CTNNA2: variants seen among roughly 807,000 people sequenced by gnomAD.
The protein encoded by CTNNA2 is catenin alpha 2.
Under a neutral mutation model 101.0 loss-of-function variants are expected in CTNNA2, and 42 were observed. The observed-to-expected ratio is 0.42, with a 90% CI of 0.32 to 0.54. The LOEUF (loss-of-function observed/expected upper bound fraction) is 0.54. Ranked by LOEUF, CTNNA2 falls within the 20% of genes least tolerant of loss-of-function variation. The probability of loss-of-function intolerance (pLI) is 0.14; values close to 1 mark genes in which losing one functional copy is unlikely to be tolerated. For missense variants in CTNNA2, 871 were observed against 1,223.1 expected (o/e 0.71, Z 4.29); for synonymous variants, 450 against 456.4 (o/e 0.99, Z 0.18).
At chr2:79,309,226 G>A (rs1258222924) in intron 2 of CTNNA2, among the ~76,000 whole-genome samples, 1 of 151,536 alleles carries the variant, frequency 6.6e-6, no homozygotes, top group Non-Finnish European at 1.5e-5. Context: ...TAATCATATT[G>A]TGTGATTCCA....
chr2:80,003,134 G>A lies in CTNNA2; in HGVS notation c.1056+93337G>A, dbSNP rs556818198. 5.9e-5 allele frequency among the ~76,000 whole-genome samples: 9 copies of A among 152,210 alleles called. No homozygotes were observed. In the East Asian group the frequency reaches 1.2e-3, roughly 20 times the overall value. On this transcript the variant is annotated intron_variant, in intron 7 of 18. Transcript: ENST00000402739. ...CAGCCTGTGAGATGGGAGAACCATC[G>A]TCACCACTGCTGTTGGACACTGTGC...
chr2:79,271,933 T>A (rs1675094145), intron 2 of CTNNA2, among the ~76,000 whole-genome samples: 1 of 152,066 alleles, frequency 6.6e-6, no homozygotes. Context: ...CTAGATCATA[T>A]TCTATGCCAT....
intron 9 of CTNNA2, among the ~76,000 whole-genome samples, chr2:80,450,673 A>G (rs1683424605): frequency 6.6e-6 from 1 of 152,180 alleles, no homozygotes; most frequent in Admixed American, 6.5e-5. Flanking sequence ...CAAAGGAGGG[A>G]CATTCAGATG....
chr2:79,258,516 AC>A (rs1674876786), intron 2 of CTNNA2, among the ~76,000 whole-genome samples: 1 of 152,166 alleles, frequency 6.6e-6, no homozygotes, highest in Non-Finnish European at 1.5e-5. Flanking sequence ...TATGTCCTTC[AC>A]CAGACCTGCA....
At chr2:80,522,838 A>G (rs1257889550) in intron 9 of CTNNA2, among the ~76,000 whole-genome samples, 2 of 152,150 alleles carry the variant, frequency 1.3e-5, no homozygotes, top group African/African-American at 4.8e-5. Context: ...TTTTCTTTAT[A>G]AATTACCCAG....
chr2:79,251,382 C>T (rs150461871), intron 2 of CTNNA2, among the ~76,000 whole-genome samples: 1 of 152,250 alleles, frequency 6.6e-6, no homozygotes, highest in East Asian at 1.9e-4. Flanking sequence ...AGGACCACAG[C>T]TATTGTGATT....
At chr2:79,771,264 C>A (rs1321246713) in intron 3 of CTNNA2, among the ~76,000 whole-genome samples, 1 of 152,158 alleles carries the variant, frequency 6.6e-6, no homozygotes, top group Non-Finnish European at 1.5e-5. Flanking sequence ...AACCACAGAG[C>A]AGAAAAGTAT....
chr2:80,132,035 C>A lies in CTNNA2; in HGVS notation c.1056+222238C>A, dbSNP rs540958832. On this transcript the variant is annotated intron_variant, in intron 7 of 18. Coordinates refer to ENST00000402739, the MANE Select transcript of CTNNA2 (RefSeq NM_001282597.3). Reference sequence around the variant, plus strand: ...GGTGGAGGTTGCAGTGAGCCGAGATCTTGCCATCGTACTCCAGCCTGGGTG... The same window carrying A: ...GGTGGAGGTTGCAGTGAGCCGAGATATTGCCATCGTACTCCAGCCTGGGTG... Among the ~76,000 whole-genome samples, 8 of 152,228 alleles carry A rather than the reference C, an allele frequency of 5.3e-5. No homozygotes were observed. The South Asian group carries it at 1.2e-3, about 24-fold the overall frequency.
At chr2:80,178,370 A>C (rs1359690200) in intron 7 of CTNNA2, among the ~76,000 whole-genome samples, 1 of 152,210 alleles carries the variant, frequency 6.6e-6, no homozygotes, top group African/African-American at 2.4e-5. Flanking sequence ...TTTCTAACAA[A>C]GCCCAGTAAC....
At chr2:80,318,816 C>T (rs534278636) in intron 7 of CTNNA2, among the ~76,000 whole-genome samples, 1 of 152,152 alleles carries the variant, frequency 6.6e-6, no homozygotes, top group South Asian at 2.1e-4. Context: ...CTTTCCAAGC[C>T]CGTAGAGCAA....
intron 7 of CTNNA2, among the ~76,000 whole-genome samples, chr2:80,383,849 C>T (rs920656979): frequency 1.3e-5 from 2 of 152,082 alleles, no homozygotes; most frequent in East Asian, 1.9e-4. Context: ...ATCATTCTAC[C>T]ATAAAGACAC....
chr2:80,289,972 G>A (rs1675097876), intron 7 of CTNNA2, among the ~76,000 whole-genome samples: 1 of 152,154 alleles, frequency 6.6e-6, no homozygotes, highest in Admixed American at 6.5e-5. Context: ...AAGTCACTGT[G>A]TGTGAGGGGC....
intron 7 of CTNNA2, among the ~76,000 whole-genome samples, chr2:80,061,649 C>T (rs1697608082): frequency 6.6e-6 from 1 of 152,252 alleles, no homozygotes; most frequent in East Asian, 1.9e-4. Flanking sequence ...TTGAATACTT[C>T]CTTTTTTGTT....
At chr2:79,402,643 G>A (rs1678302359) in intron 4 of CTNNA2, among the ~76,000 whole-genome samples, 1 of 151,608 alleles carries the variant, frequency 6.6e-6, no homozygotes, top group Admixed American at 6.6e-5. Flanking sequence ...ATAGGTAACT[G>A]AAACTTCAGA....
chr2:79,644,897 G>T (rs1365211749), intron 1 of CTNNA2, among the ~76,000 whole-genome samples: 1 of 152,012 alleles, frequency 6.6e-6, no homozygotes, highest in African/African-American at 2.4e-5. Flanking sequence ...CTAAGCCTTG[G>T]GATTCTTCTC....
chr2:79,792,262 A>G (rs937635256), intron 3 of CTNNA2, among the ~76,000 whole-genome samples: 2 of 152,172 alleles, frequency 1.3e-5, no homozygotes. Flanking sequence ...TAGCTTTTCA[A>G]GGATGTTTGC....
intron 7 of CTNNA2, among the ~76,000 whole-genome samples, chr2:80,048,699 G>A (rs1400723234): frequency 3.9e-5 from 6 of 152,194 alleles, no homozygotes; most frequent in East Asian, 1.9e-4. Context: ...ATAAACTGGC[G>A]TATAAGTGAA....
chr2:79,325,265 G>A (rs1676720163), intron 3 of CTNNA2, among the ~76,000 whole-genome samples: 2 of 152,256 alleles, frequency 1.3e-5, no homozygotes, highest in South Asian at 2.1e-4. Context: ...TCTTATAGGC[G>A]ATGGGATTAC....
At chr2:79,729,066 G>T (rs1478680456) in intron 2 of CTNNA2, among the ~76,000 whole-genome samples, 2 of 152,060 alleles carry the variant, frequency 1.3e-5, no homozygotes, top group Non-Finnish European at 2.9e-5. Context: ...TATTTTATTA[G>T]CACATAGAAT....
Sources: gnomAD v4.1 joint callset for allele counts (sites outside exome capture counted in the v4.1 genomes callset) on GRCh38, gnomAD v4.1.1 for gene constraint, MANE v1.5 for transcripts, NCBI Gene and HGNC (gene_info 2026-07-23, HGNC 2026-07-21) for gene names.